Variants in DOCK4 observed in about 807,000 individuals in gnomAD.
The protein encoded by DOCK4 is dedicator of cytokinesis protein 4.
Under a neutral mutation model 268.1 loss-of-function variants are expected in DOCK4, and 97 were observed. That is an observed-to-expected ratio of 0.36 (90% CI 0.31 to 0.43). The LOEUF (loss-of-function observed/expected upper bound fraction) is 0.43, where lower values mean the gene tolerates loss of function less well. DOCK4 is among the 20% of genes least tolerant of loss of function. The probability of loss-of-function intolerance (pLI) is 1.00; values close to 1 mark genes in which losing one functional copy is unlikely to be tolerated. For synonymous variants in DOCK4, 954 were observed against 887.2 expected (o/e 1.08, Z -1.34); for missense variants, 2,145 against 2,455.7 (o/e 0.87, Z 2.67).
intron 43 of DOCK4, among the ~76,000 whole-genome samples, chr7:111,747,053 C>A (rs1563446161): frequency 6.6e-6 from 1 of 152,088 alleles, no homozygotes; most frequent in African/African-American, 2.4e-5. Context: ...CACACACACA[C>A]ATTTTTATTA....
chr7:111,959,514 A>G (rs928056845), intron 8 of DOCK4, among the ~76,000 whole-genome samples: 14 of 152,224 alleles, frequency 9.2e-5, no homozygotes, highest in Non-Finnish European at 1.8e-4. Flanking sequence ...GAGACGAGAA[A>G]TACTAGCACA....
chr7:112,037,734 G>A (rs1158263930), intron 1 of DOCK4, among the ~76,000 whole-genome samples: 1 of 151,966 alleles, frequency 6.6e-6, no homozygotes, highest in Non-Finnish European at 1.5e-5. Flanking sequence ...CTTTTTTGTG[G>A]ACATAGGTTT....
intron 1 of DOCK4, among the ~76,000 whole-genome samples, chr7:112,163,165 C>G (rs751453995): frequency 2.0e-5 from 3 of 152,212 alleles, no homozygotes; most frequent in East Asian, 3.8e-4. Context: ...CTTTGTCTCA[C>G]AAGGAACAGA....
chr7:111,993,955 A>G lies in DOCK4; in HGVS notation c.315+180T>C, dbSNP rs118093626. ...TTCCTGTGGTATTGAAAAATAACTT[A>G]CAAAACCCATGCTCAGTGGACACAG... On this transcript the variant is annotated intron_variant, in intron 5 of 52. Transcript: ENST00000428084. 3.3e-5 allele frequency among the ~76,000 whole-genome samples: 5 copies of G among 152,322 alleles called. No homozygotes were observed. The East Asian group carries it at 9.6e-4, about 29-fold the overall frequency.
chr7:112,206,347 C>T lies in DOCK4; in HGVS notation c.-209G>A, dbSNP rs1270454429. ...CAGCTCTCCCGGCGGCGGCTGCTCA[C>T]AGTCCTCCGACGCGCTCCCGGGTAC... On this transcript the variant is annotated 5_prime_UTR_variant, in exon 1 of 53. The change creates a new upstream start codon in the 5' untranslated region. Coordinates refer to ENST00000428084, the MANE Select transcript of DOCK4 (RefSeq NM_001363540.2). The T allele has an allele frequency of 8.3e-6, 5 of 600,318 alleles. No homozygotes were observed. The highest frequency in any genetic ancestry group is 1.2e-5 in the Non-Finnish European group (4 of 343,130). The allele number at this position is 600,318 out of a possible 1,614,324, so 37.2% of individuals were successfully genotyped here.
At chr7:112,147,989 C>T (rs1328151199) in intron 1 of DOCK4, among the ~76,000 whole-genome samples, 5 of 151,744 alleles carry the variant, frequency 3.3e-5, no homozygotes, top group Non-Finnish European at 7.4e-5. Flanking sequence ...AGCACACATG[C>T]TCTCTCCCTC....
chr7:111,933,778 A>G (rs1794466960), intron 12 of DOCK4, among the ~76,000 whole-genome samples: 1 of 152,194 alleles, frequency 6.6e-6, no homozygotes, highest in Non-Finnish European at 1.5e-5. Context: ...GGCCATCTGC[A>G]TCAAATAAAA....
intron 25 of DOCK4, among the ~76,000 whole-genome samples, chr7:111,843,063 T>C (rs1175114957): frequency 6.6e-6 from 1 of 152,120 alleles, no homozygotes; most frequent in Non-Finnish European, 1.5e-5. Context: ...AAAAAGACAA[T>C]CAATAGATGT....
chr7:111,739,141 G>A lies in DOCK4; in HGVS notation c.5225C>T (p.Pro1742Leu), dbSNP rs777190065. 8 of 1,613,064 alleles carry A rather than the reference G, an allele frequency of 5.0e-6. No individual in the cohort carries two copies. Among genetic ancestry groups the A allele is most frequent in the Non-Finnish European group, 6.8e-6 (8 of 1,179,072 alleles). Residue 1742 changes from proline (P) to leucine (L), a missense_variant, in exon 49 of 53, where the codon CCT (proline) becomes CTT (leucine). Pro to Leu is a moderately conservative substitution (Grantham distance 98). This residue lies in a region of DOCK4 where 547 missense variants were observed against 469.0 expected (regional missense o/e 1.17). Coordinates refer to ENST00000428084, the MANE Select transcript of DOCK4 (RefSeq NM_001363540.2). ...CTACCCTACAAGGAGTACCTGCGAA[G>A]GCTCCACAGGTGTTGGATAGATGGC... ...CSAIYPTPVE[P>L]SQRMLFNHIG...
chr7:112,157,254 C>T (rs757673334), intron 1 of DOCK4, among the ~76,000 whole-genome samples: 2 of 152,138 alleles, frequency 1.3e-5, no homozygotes, highest in Admixed American at 6.6e-5. Context: ...TGGCCTCCAA[C>T]AGCCTGGCAA....
chr7:112,153,003 T>A (rs1816249594), intron 1 of DOCK4, among the ~76,000 whole-genome samples: 1 of 152,204 alleles, frequency 6.6e-6, no homozygotes, highest in Admixed American at 6.5e-5. Flanking sequence ...TCACACAGAA[T>A]GCCAATGTCA....
chr7:111,863,789 T>C (rs142423883), intron 22 of DOCK4, among the ~76,000 whole-genome samples: 56 of 152,242 alleles, frequency 3.7e-4, no homozygotes, highest in African/African-American at 1.3e-3. Flanking sequence ...AACTGGGAAA[T>C]TTTGGAAAAT....
At chr7:111,988,619 G>A (rs1284892179) in intron 6 of DOCK4, among the ~76,000 whole-genome samples, 2 of 152,000 alleles carry the variant, frequency 1.3e-5, no homozygotes, top group South Asian at 2.1e-4. Flanking sequence ...GTCTCCCTCC[G>A]GATTACACTG....
rs1426121701 is a variant in DOCK4 at position 112,187,700 on chromosome 7, G to C, written c.37+18402C>G. ...CTGCCTTGTGTCACAATGATTAATAGTCATAATTTTTTCCAATTAGTGGAG... is the reference window on the plus strand; with the variant it reads ...CTGCCTTGTGTCACAATGATTAATACTCATAATTTTTTCCAATTAGTGGAG... On this transcript the variant is annotated intron_variant, in intron 1 of 52. Coordinates refer to ENST00000428084, the MANE Select transcript of DOCK4 (RefSeq NM_001363540.2). Among the ~76,000 whole-genome samples the C allele has an allele frequency of 3.3e-5, 5 of 152,264 alleles. No homozygotes were observed. The East Asian group carries it at 9.7e-4, about 29-fold the overall frequency.
chr7:111,807,229 C>T (rs930041943), intron 30 of DOCK4, among the ~76,000 whole-genome samples: 1 of 152,178 alleles, frequency 6.6e-6, no homozygotes, highest in African/African-American at 2.4e-5. Context: ...CAAACAGATT[C>T]AATGCAGCAT....
intron 1 of DOCK4, among the ~76,000 whole-genome samples, chr7:112,089,269 G>C (rs2135751216): frequency 6.6e-6 from 1 of 152,074 alleles, no homozygotes; most frequent in South Asian, 2.1e-4. Context: ...CCTTTCTAGG[G>C]CTTCAAATTA....
At chr7:112,102,327 C>T (rs1047049933) in intron 1 of DOCK4, among the ~76,000 whole-genome samples, 3 of 152,106 alleles carry the variant, frequency 2.0e-5, no homozygotes, top group East Asian at 1.9e-4. Flanking sequence ...AGTAGGCACA[C>T]CAAGAAAATA....
intron 8 of DOCK4, among the ~76,000 whole-genome samples, chr7:111,950,652 A>T (rs1327641377): frequency 6.6e-6 from 1 of 152,192 alleles, no homozygotes; most frequent in Non-Finnish European, 1.5e-5. Flanking sequence ...ATTCTCTCCA[A>T]ACTTTCCCAT....
In DOCK4 at chr7:112,060,970, C is replaced by T. The variant is rs1050757711; in HGVS notation, c.38-56839G>A. Among the ~76,000 whole-genome samples, 11 of 152,210 alleles carry T rather than the reference C, an allele frequency of 7.2e-5. 1 individual carries two copies. The South Asian group carries it at 8.3e-4, about 11-fold the overall frequency. ...TAAGAGGTTCAGATGGTAAATTTTA[C>T]GTGTATTTTACCACAGTAAAAAATT... On this transcript the variant is annotated intron_variant, in intron 1 of 52. Transcript: ENST00000428084.
Sources: gnomAD v4.1 joint callset for allele counts (sites outside exome capture counted in the v4.1 genomes callset) on GRCh38, gnomAD v4.1.1 for gene constraint, gnomAD v4.1.1 regional missense constraint, MANE v1.5 for transcripts, NCBI Gene and HGNC (gene_info 2026-07-23, HGNC 2026-07-21) for gene names.